CSMD1: variants seen among roughly 807,000 people sequenced by gnomAD.
CSMD1 encodes CUB and Sushi multiple domains 1, also known as CUB and sushi domain-containing protein 1.
Under a neutral mutation model 417.5 loss-of-function variants are expected in CSMD1, and 213 were observed. The ratio of observed to expected loss-of-function variants is 0.51; its 90% CI spans 0.46 to 0.57. CSMD1 has a LOEUF of 0.57. Ranked by LOEUF, CSMD1 falls within the 20% of genes least tolerant of loss-of-function variation. The probability of loss-of-function intolerance (pLI) is 0.00; values close to 1 mark genes in which losing one functional copy is unlikely to be tolerated. For synonymous variants in CSMD1, 2,862 were observed against 1,736.8 expected (o/e 1.65, Z -16.11); for missense variants, 6,923 against 4,529.7 (o/e 1.53, Z -15.17).
chr8:4,193,579 G>A (rs914136318), intron 3 of CSMD1, among the ~76,000 whole-genome samples: 4 of 152,022 alleles, frequency 2.6e-5, no homozygotes, highest in Non-Finnish European at 4.4e-5. Context: ...AATGAAAGAG[G>A]CAGAGGATGA....
intron 5 of CSMD1, among the ~76,000 whole-genome samples, chr8:3,813,651 T>C (rs147804219): frequency 1.1e-3 from 172 of 152,280 alleles, no homozygotes; most frequent in African/African-American, 4.0e-3. Flanking sequence ...ATGTTAATTA[T>C]ACAAAATTAT....
chr8:4,853,591 T>G (rs977603961), intron 1 of CSMD1, among the ~76,000 whole-genome samples: 2 of 152,180 alleles, frequency 1.3e-5, no homozygotes, highest in East Asian at 1.9e-4. Context: ...ACACAGATAT[T>G]TGAATAGGGC....
intron 3 of CSMD1, among the ~76,000 whole-genome samples, chr8:4,294,823 G>T (rs936694951): frequency 1.3e-5 from 2 of 151,884 alleles, no homozygotes; most frequent in African/African-American, 4.8e-5. Flanking sequence ...TTCAACCCAT[G>T]TGTAATTAGT....
chr8:4,104,459 G>A (rs967634790), intron 3 of CSMD1, among the ~76,000 whole-genome samples: 11 of 151,956 alleles, frequency 7.2e-5, no homozygotes, highest in Admixed American at 2.6e-4. Context: ...CACAGGATAT[G>A]TGCACTGAAT....
intron 2 of CSMD1, among the ~76,000 whole-genome samples, chr8:4,577,253 G>C (rs1343828657): frequency 1.3e-5 from 2 of 152,172 alleles, no homozygotes; most frequent in Non-Finnish European, 2.9e-5. Context: ...TCACTTAGCA[G>C]TCTGTGAAGC....
At chr8:4,047,719 A>C (rs993547143) in intron 3 of CSMD1, among the ~76,000 whole-genome samples, 1 of 152,186 alleles carries the variant, frequency 6.6e-6, no homozygotes, top group Non-Finnish European at 1.5e-5. Flanking sequence ...AGTGGATTTT[A>C]AATGCTATGG....
intron 2 of CSMD1, among the ~76,000 whole-genome samples, chr8:4,496,197 C>A (rs1436007888): frequency 6.6e-6 from 1 of 152,158 alleles, no homozygotes; most frequent in Non-Finnish European, 1.5e-5. Context: ...CCATGTTTAT[C>A]CTGCTCATTT....
At chr8:3,109,447 A>G (rs1196313844) in intron 43 of CSMD1, among the ~76,000 whole-genome samples, 1 of 152,080 alleles carries the variant, frequency 6.6e-6, no homozygotes, top group Non-Finnish European at 1.5e-5. Flanking sequence ...TCACTCTCAC[A>G]TCCACTGACT....
chr8:4,962,614 C>T (rs1809581869), intron 1 of CSMD1, among the ~76,000 whole-genome samples: 1 of 152,076 alleles, frequency 6.6e-6, no homozygotes, highest in Admixed American at 6.6e-5. Context: ...ACCCCAGATG[C>T]CAGTATTTCT....
chr8:4,210,838 C>T (rs569554359), intron 3 of CSMD1, among the ~76,000 whole-genome samples: 97 of 152,226 alleles, frequency 6.4e-4, no homozygotes, highest in African/African-American at 2.3e-3. Flanking sequence ...AATCATGTAT[C>T]TCGGGAAAGA....
At chr8:3,505,322 T>G (rs1796778770) in intron 10 of CSMD1, among the ~76,000 whole-genome samples, 1 of 152,244 alleles carries the variant, frequency 6.6e-6, no homozygotes. Context: ...GCTGAAACTT[T>G]GAAGGAGCAA....
chr8:3,115,204 C>CG (rs1158654935), intron 42 of CSMD1, among the ~76,000 whole-genome samples: 3 of 139,848 alleles, frequency 2.1e-5, no homozygotes, highest in South Asian at 2.5e-4. Flanking sequence ...TCCCCCCCCC[C>CG]CCTTTTTTTT....
intron 1 of CSMD1, among the ~76,000 whole-genome samples, chr8:4,658,735 T>A (rs550682515): frequency 4.3e-4 from 65 of 152,266 alleles, no homozygotes; most frequent in African/African-American, 1.3e-3. Flanking sequence ...ATACTTTCGG[T>A]TTCTAACTCA....
At position 3,520,176 on chromosome 8, in the gene CSMD1, G is replaced by C. The variant is rs375621979; in HGVS notation, c.1345-26450C>G. On this transcript the variant is annotated intron_variant, in intron 10 of 69. Transcript: ENST00000635120. ...TAAGAAACCAGAACCGAGAAGAAGA[G>C]AATTTCACTTAAATTATAATTTTTA... Among the ~76,000 whole-genome samples, 492 of 151,994 alleles carry C rather than the reference G, an allele frequency of 3.2e-3. 1 individual carries two copies. The highest frequency in any genetic ancestry group is 0.019 in the South Asian group (91 of 4,790).
chr8:4,740,734 T>A (rs1673237), intron 1 of CSMD1, among the ~76,000 whole-genome samples: 1 of 152,046 alleles, frequency 6.6e-6, no homozygotes, highest in East Asian at 1.9e-4. Flanking sequence ...GCATGGGCAA[T>A]AGAGCAAGAT....
intron 5 of CSMD1, among the ~76,000 whole-genome samples, chr8:3,773,701 G>C (rs1798743312): frequency 6.6e-6 from 1 of 152,122 alleles, no homozygotes; most frequent in Admixed American, 6.6e-5. Context: ...TCTTAATTGA[G>C]TTCCCACCTT....
intron 3 of CSMD1, among the ~76,000 whole-genome samples, chr8:4,397,690 TATTA>T (rs1311283251): frequency 2.0e-5 from 3 of 152,106 alleles, no homozygotes; most frequent in African/African-American, 4.8e-5. Context: ...AAGAAATAGA[TATTA>T]ATAAGATTTC....
chr8:3,343,727 A>G (rs1302940247), intron 22 of CSMD1, among the ~76,000 whole-genome samples: 1 of 152,220 alleles, frequency 6.6e-6, no homozygotes, highest in Non-Finnish European at 1.5e-5. Context: ...ATTTAAAATT[A>G]AATAAATATT....
chr8:4,420,050 C>T lies in CSMD1; in HGVS notation c.318G>A (p.Gln106=). The change falls in exon 3 of 70, where the codon CAG becomes CAA. Residue 106 remains glutamine (Q), a synonymous_variant. Transcript: ENST00000635120. ...GNLKVRLSGF[Q]LPSSIVSTGS... Reference sequence around the variant, plus strand: ...CTGTACTCACTATAGAGGAGGGCAGCTGAAATCCCGATAATCTAAATTTAA... The same window carrying T: ...CTGTACTCACTATAGAGGAGGGCAGTTGAAATCCCGATAATCTAAATTTAA... 6.4e-7 allele frequency: 1 copy of T among 1,566,728 alleles called. No homozygotes were observed. Among genetic ancestry groups the T allele is most frequent in the Non-Finnish European group, 8.7e-7 (1 of 1,154,000 alleles).
Sources: allele counts gnomAD v4.1 joint callset (sites outside exome capture counted in the v4.1 genomes callset), GRCh38; gene constraint gnomAD v4.1.1; transcripts MANE v1.5; gene names NCBI Gene and HGNC (gene_info 2026-07-23, HGNC 2026-07-21).